Variants in UBE2W observed in about 807,000 individuals in gnomAD.
UBE2W encodes ubiquitin-conjugating enzyme E2 W.
A neutral mutation model predicts 27.2 loss-of-function variants in UBE2W; 18 were observed. The observed-to-expected ratio is 0.66, with a 90% CI of 0.46 to 0.98. The LOEUF is 0.98. Among genes scored for constraint, UBE2W ranks in the 50% least tolerant of loss-of-function variants. The probability of loss-of-function intolerance (pLI) is 0.00; values close to 1 mark genes in which losing one functional copy is unlikely to be tolerated. For synonymous variants in UBE2W, 53 were observed against 57.2 expected, an observed-to-expected ratio of 0.93 and a Z score of 0.33; for missense variants, 90 against 180.2, an observed-to-expected ratio of 0.50 and a Z score of 2.87.
At chr8:73,874,304 G>A (rs1345241781) in intron 1 of UBE2W, among the ~76,000 whole-genome samples, 3 of 152,086 alleles carry the variant, frequency 2.0e-5, no homozygotes, top group Non-Finnish European at 2.9e-5. Flanking sequence ...GGTGGCAGGC[G>A]CCTGTAGTCC....
chr8:73,841,213 C>T (rs1810521374), intron 1 of UBE2W, among the ~76,000 whole-genome samples: 1 of 152,080 alleles, frequency 6.6e-6, no homozygotes, highest in Non-Finnish European at 1.5e-5. Flanking sequence ...TTTTCCCTAA[C>T]AACATTAAGA....
intron 1 of UBE2W, among the ~76,000 whole-genome samples, chr8:73,858,711 A>G (rs1178589638): frequency 2.7e-5 from 4 of 146,804 alleles, no homozygotes; most frequent in Non-Finnish European, 6.0e-5. Flanking sequence ...AGCAGCAGCT[A>G]GTACCTTTTA....
chr8:73,827,596 C>G (rs1014578303), intron 2 of UBE2W, among the ~76,000 whole-genome samples: 1 of 152,148 alleles, frequency 6.6e-6, no homozygotes, highest in Non-Finnish European at 1.5e-5. Context: ...GTGGTGCAAT[C>G]AGGGCTCACT....
intron 5 of UBE2W, among the ~76,000 whole-genome samples, chr8:73,803,691 T>A (rs1268343316): frequency 6.6e-6 from 1 of 152,148 alleles, no homozygotes; most frequent in Non-Finnish European, 1.5e-5. Flanking sequence ...TCATATGTAT[T>A]TCTTATTGAT....
chr8:73,808,392 G>A lies in UBE2W; in HGVS notation c.366+2082C>T, dbSNP rs60768083. 4.7e-3 allele frequency among the ~76,000 whole-genome samples: 710 copies of A among 152,164 alleles called. 6 individuals carry two copies. The highest frequency in any genetic ancestry group is 0.016 in the African/African-American group (681 of 41,514). On this transcript the variant is annotated intron_variant, in intron 4 of 5. Coordinates refer to ENST00000602593, the MANE Select transcript of UBE2W (RefSeq NM_018299.6). ...TGGGACTACAGGCATGCGCCACCAC[G>A]CCCAGCTAATTTTTCTATTTTTAGT...
chr8:73,784,497 C>A (rs1028752716), downstream of UBE2W, among the ~76,000 whole-genome samples: 2 of 152,214 alleles, frequency 1.3e-5, no homozygotes, highest in African/African-American at 2.4e-5. Flanking sequence ...TATATTTCTG[C>A]TGGCTGTTAA....
Position 73,872,282 on chromosome 8 carries a change from A to G in UBE2W, c.15+6526T>C, listed in dbSNP as rs1232041430. Reference sequence around the variant, plus strand: ...TATTTGTCCATTACTTAACACTTCAAAAAGCATTCCTAAATAGCTAATTCT... The same window carrying G: ...TATTTGTCCATTACTTAACACTTCAGAAAGCATTCCTAAATAGCTAATTCT... On this transcript the variant is annotated intron_variant, in intron 1 of 5. Coordinates refer to ENST00000602593, the MANE Select transcript of UBE2W (RefSeq NM_018299.6). Among the ~76,000 whole-genome samples, 3 of 152,210 alleles carry G rather than the reference A, an allele frequency of 2.0e-5. No homozygotes were observed. In the South Asian group the frequency reaches 6.2e-4, roughly 31 times the overall value.
chr8:73,866,290 A>ATATATATAT (rs1554586475), intron 1 of UBE2W, among the ~76,000 whole-genome samples: 17 of 43,068 alleles, frequency 3.9e-4, no homozygotes, highest in South Asian at 1.1e-3. Context: ...AAAAAAAAAA[A>ATATATATAT]ATATATATAT....
At chr8:73,858,099 G>A (rs1025645992) in intron 1 of UBE2W, among the ~76,000 whole-genome samples, 3 of 151,734 alleles carry the variant, frequency 2.0e-5, no homozygotes, top group Non-Finnish European at 1.5e-5. Flanking sequence ...GGTGGCTCAC[G>A]CCTGTAATCC....
In UBE2W at chr8:73,792,680, A is replaced by G. The variant is rs961388238; in HGVS notation, c.*1422T>C. On this transcript the variant is annotated 3_prime_UTR_variant, in exon 6 of 6. Coordinates refer to ENST00000602593, the MANE Select transcript of UBE2W (RefSeq NM_018299.6). Reference sequence around the variant, plus strand: ...AAAAATAACATTGTAGTAGAAACAGATTTTGCATATGTGAAAAGGTAATTT... The same window carrying G: ...AAAAATAACATTGTAGTAGAAACAGGTTTTGCATATGTGAAAAGGTAATTT... The G allele has an allele frequency of 1.0e-6, 1 of 985,428 alleles. No homozygotes were observed. The highest frequency in any genetic ancestry group is 1.7e-5 in the African/African-American group (1 of 57,346). 61.0% of individuals were successfully genotyped at this position (985,428 alleles called of 1,614,324 possible). A position where few individuals can be genotyped will look rare whatever the true frequency, so the allele number is the denominator to read the frequency against.
intron 1 of UBE2W, among the ~76,000 whole-genome samples, chr8:73,864,069 A>G (rs1312908119): frequency 2.0e-5 from 3 of 152,336 alleles, no homozygotes; most frequent in Middle Eastern, 3.4e-3. Flanking sequence ...CAGGACTTCA[A>G]TACTTCCAAA....
At chr8:73,807,464 TC>T (rs1808959734) in intron 4 of UBE2W, among the ~76,000 whole-genome samples, 2 of 152,316 alleles carry the variant, frequency 1.3e-5, no homozygotes, top group Admixed American at 1.3e-4. Context: ...TAGTTGAGCC[TC>T]ACAATGCTCT....
rs1194602334 is a variant in UBE2W, at chr8:73,791,860, T to C, written c.*2242A>G. 1 of 984,620 alleles carries C rather than the reference T, an allele frequency of 1.0e-6. No homozygotes were observed. The highest frequency in any genetic ancestry group is 1.1e-4 in the East Asian group (1 of 8,832). The allele number at this position is 984,620 out of a possible 1,614,324, so 61.0% of individuals were successfully genotyped here. On this transcript the variant is annotated 3_prime_UTR_variant, in exon 6 of 6. Transcript: ENST00000602593. ...TCATTTTAGTTTACTTTATGGTATT[T>C]ATATGTAGAGAGAGAGGTATGTTAA...
chr8:73,872,549 G>A (rs981374947), intron 1 of UBE2W, among the ~76,000 whole-genome samples: 1 of 152,258 alleles, frequency 6.6e-6, no homozygotes, highest in Non-Finnish European at 1.5e-5. Context: ...GTAACTGCTG[G>A]TAAGTATGTA....
chr8:73,839,162 T>A (rs923579237), intron 1 of UBE2W, among the ~76,000 whole-genome samples: 1 of 152,118 alleles, frequency 6.6e-6, no homozygotes, highest in East Asian at 1.9e-4. Flanking sequence ...ATGCCCATAT[T>A]TACATATTAG....
intron 3 of UBE2W, among the ~76,000 whole-genome samples, chr8:73,824,744 T>C (rs1478178950): frequency 1.3e-5 from 2 of 152,176 alleles, no homozygotes; most frequent in African/African-American, 4.8e-5. Context: ...CGTACTCCTA[T>C]GAGAATCTAA....
At chr8:73,784,425 C>T (rs1807899100), downstream of UBE2W, among the ~76,000 whole-genome samples, 1 of 152,154 alleles carries the variant, frequency 6.6e-6, no homozygotes, top group Non-Finnish European at 1.5e-5. Context: ...CAAGTTAAGC[C>T]AGGCAGATCA....
At chr8:73,835,428 A>G (rs1810266289) in intron 1 of UBE2W, among the ~76,000 whole-genome samples, 1 of 152,092 alleles carries the variant, frequency 6.6e-6, no homozygotes, top group South Asian at 2.1e-4. Context: ...GTCACTCCCA[A>G]GATTAGATTA....
intron 1 of UBE2W, among the ~76,000 whole-genome samples, chr8:73,871,094 T>C (rs563323861): frequency 3.3e-5 from 5 of 152,272 alleles, no homozygotes; most frequent in South Asian, 2.1e-4. Flanking sequence ...AAGAGATAAG[T>C]AAACGGATGA....
Sources: allele counts gnomAD v4.1 joint callset (sites outside exome capture counted in the v4.1 genomes callset), GRCh38; gene constraint gnomAD v4.1.1; transcripts MANE v1.5; gene names NCBI Gene and HGNC (gene_info 2026-07-23, HGNC 2026-07-21).